CNTNAP2: variants seen among roughly 807,000 people sequenced by gnomAD.
CNTNAP2 encodes the protein contactin associated protein 2.
CNTNAP2 carries 98 observed loss-of-function variants against 155.2 expected under a neutral mutation model. The observed-to-expected ratio is 0.63, with a 90% CI of 0.54 to 0.75. The LOEUF is 0.75. Ranked by LOEUF, CNTNAP2 falls within the 30% of genes least tolerant of loss-of-function variation. The pLI is 0.00. For missense variants in CNTNAP2, 1,727 were observed against 1,688.1 expected (o/e 1.02, Z -0.40); for synonymous variants, 651 against 631.2 (o/e 1.03, Z -0.47).
At position 148,110,922 on chromosome 7, in the gene CNTNAP2, G is replaced by T. The variant is rs184528829; in HGVS notation, c.2384-7196G>T. On this transcript the variant is annotated intron_variant, in intron 15 of 23. Coordinates refer to ENST00000361727, the MANE Select transcript of CNTNAP2 (RefSeq NM_014141.6). ...AGCCTTCTTCCTGTCAGCTTCCCAA[G>T]CACTGAGCAACAGACATATATTCCT... Among the ~76,000 whole-genome samples, 293 of 152,292 alleles carry T rather than the reference G, an allele frequency of 1.9e-3. 1 individual carries two copies. The highest frequency in any genetic ancestry group is 6.9e-3 in the African/African-American group (287 of 41,564).
intron 14 of CNTNAP2, among the ~76,000 whole-genome samples, chr7:147,951,122 C>A (rs189336638): frequency 2.6e-5 from 4 of 152,300 alleles, no homozygotes; most frequent in Non-Finnish European, 5.9e-5. Flanking sequence ...TTCTCAGGCC[C>A]AGCCGAGGAC....
intron 1 of CNTNAP2, among the ~76,000 whole-genome samples, chr7:146,146,631 T>C (rs1303787576): frequency 6.6e-6 from 1 of 152,112 alleles, no homozygotes; most frequent in African/African-American, 2.4e-5. Context: ...CATTGAATAA[T>C]TAACTTGACA....
At chr7:146,703,997 A>G (rs1800921077) in intron 1 of CNTNAP2, among the ~76,000 whole-genome samples, 2 of 151,444 alleles carry the variant, frequency 1.3e-5, no homozygotes, top group Admixed American at 1.3e-4. Flanking sequence ...TAAGTGGGAG[A>G]CTTTTATAGG....
chr7:146,211,424 T>C (rs1035917961), intron 1 of CNTNAP2, among the ~76,000 whole-genome samples: 1 of 152,208 alleles, frequency 6.6e-6, no homozygotes, highest in Non-Finnish European at 1.5e-5. Flanking sequence ...CAAAAATAAG[T>C]AAGTGCTCAC....
intron 1 of CNTNAP2, among the ~76,000 whole-genome samples, chr7:146,379,819 A>C (rs1795356347): frequency 6.6e-6 from 1 of 152,152 alleles, no homozygotes; most frequent in South Asian, 2.1e-4. Context: ...ATTTTAAATA[A>C]ATTTCAAAAG....
intron 9 of CNTNAP2, among the ~76,000 whole-genome samples, chr7:147,336,238 T>C (rs1482876424): frequency 6.6e-6 from 1 of 151,916 alleles, no homozygotes; most frequent in Admixed American, 6.6e-5. Context: ...ATCAAGAACC[T>C]GAGAGGTTTG....
intron 2 of CNTNAP2, among the ~76,000 whole-genome samples, chr7:146,788,041 C>T (rs1017690079): frequency 6.6e-6 from 1 of 152,232 alleles, no homozygotes; most frequent in Non-Finnish European, 1.5e-5. Flanking sequence ...CCCCACCCTA[C>T]CGAGAAGCCC....
At position 147,044,011 on chromosome 7, in the gene CNTNAP2, A is replaced by G. The variant is rs1799307757; in HGVS notation, c.507A>G (p.Glu169=). The change falls in exon 4 of 24, where the codon GAA becomes GAG. Residue 169 remains glutamate, a synonymous_variant. Transcript: ENST00000361727. ...VRIVPLDWNG[E]GRIGLRIEVY... ...TAGTGCCTCTGGATTGGAATGGAGA[A>G]GGTCGCATTGGACTCAGAATTGAAG... 7 of 1,614,210 alleles carry G rather than the reference A, an allele frequency of 4.3e-6. No individual in the cohort carries two copies. The highest frequency in any genetic ancestry group is 1.3e-5 in the African/African-American group (1 of 75,074).
chr7:147,530,752 T>G (rs1246635533), intron 11 of CNTNAP2, among the ~76,000 whole-genome samples: 2 of 152,108 alleles, frequency 1.3e-5, no homozygotes, highest in Non-Finnish European at 2.9e-5. Flanking sequence ...TCCTCACATT[T>G]CAAAACCAAT....
chr7:146,522,640 AAGC>A (rs1250999562), intron 1 of CNTNAP2, among the ~76,000 whole-genome samples: 1 of 151,912 alleles, frequency 6.6e-6, no homozygotes, highest in African/African-American at 2.4e-5. Flanking sequence ...AATTCCAGGA[AAGC>A]ATTTTTAGAT....
At chr7:147,116,362 T>C (rs1800989179) in intron 5 of CNTNAP2, among the ~76,000 whole-genome samples, 1 of 152,164 alleles carries the variant, frequency 6.6e-6, no homozygotes. Context: ...CTGTGCTGTG[T>C]TGGAGATTTC....
At chr7:147,250,245 T>C (rs1804166225) in intron 8 of CNTNAP2, among the ~76,000 whole-genome samples, 1 of 152,074 alleles carries the variant, frequency 6.6e-6, no homozygotes, top group South Asian at 2.1e-4. Context: ...GGGTGGTGGA[T>C]TTGCAAATGT....
At chr7:146,799,179 G>A (rs1022112165) in intron 2 of CNTNAP2, among the ~76,000 whole-genome samples, 1 of 152,192 alleles carries the variant, frequency 6.6e-6, no homozygotes, top group African/African-American at 2.4e-5. Flanking sequence ...TCTTTGAGTT[G>A]CTTTCTTTTT....
intron 11 of CNTNAP2, among the ~76,000 whole-genome samples, chr7:147,500,363 A>G (rs1798788496): frequency 6.6e-6 from 1 of 152,138 alleles, no homozygotes; most frequent in East Asian, 1.9e-4. Context: ...AAACACATTG[A>G]CAGTTCTTAT....
chr7:147,229,783 A>G (rs1803634923), intron 8 of CNTNAP2, among the ~76,000 whole-genome samples: 1 of 152,226 alleles, frequency 6.6e-6, no homozygotes. Context: ...GATGTAACAA[A>G]TACATATTAT....
At chr7:147,135,436 C>A (rs1395026297) in intron 8 of CNTNAP2, among the ~76,000 whole-genome samples, 1 of 151,614 alleles carries the variant, frequency 6.6e-6, no homozygotes, top group Non-Finnish European at 1.5e-5. Flanking sequence ...CAATTTTATC[C>A]CAGTACATCA....
intron 1 of CNTNAP2, among the ~76,000 whole-genome samples, chr7:146,338,156 G>T (rs939535641): frequency 2.6e-5 from 4 of 152,072 alleles, no homozygotes; most frequent in African/African-American, 7.2e-5. Context: ...TCTGGGGCAG[G>T]CATAGGTAAC....
chr7:147,721,958 A>T (rs1796573506), intron 13 of CNTNAP2, among the ~76,000 whole-genome samples: 1 of 152,170 alleles, frequency 6.6e-6, no homozygotes, highest in East Asian at 1.9e-4. Flanking sequence ...ATTATACCAG[A>T]CATCTTAGTC....
At chr7:146,563,293 G>T (rs780681259) in intron 1 of CNTNAP2, among the ~76,000 whole-genome samples, 7 of 151,788 alleles carry the variant, frequency 4.6e-5, no homozygotes, top group Non-Finnish European at 1.0e-4. Context: ...CTGTCCTTTA[G>T]ATATTAATCA....
Sources: gnomAD v4.1 joint callset for allele counts (sites outside exome capture counted in the v4.1 genomes callset) on GRCh38, gnomAD v4.1.1 for gene constraint, MANE v1.5 for transcripts, NCBI Gene and HGNC (gene_info 2026-07-23, HGNC 2026-07-21) for gene names.